SHISA5: variants seen among roughly 807,000 people sequenced by gnomAD.
SHISA5 encodes shisa family member 5.
A neutral mutation model predicts 27.5 loss-of-function variants in SHISA5; 21 were observed. That is an observed-to-expected ratio of 0.76 (90% confidence interval 0.54 to 1.10). The LOEUF (loss-of-function observed/expected upper bound fraction) is 1.10, where lower values mean the gene tolerates loss of function less well. Among genes scored for constraint, SHISA5 ranks in the 50% least tolerant of loss-of-function variants. The probability of loss-of-function intolerance (pLI) is 0.00; values close to 1 mark genes in which losing one functional copy is unlikely to be tolerated. For synonymous variants in SHISA5, 137 were observed against 142.2 expected, an observed-to-expected ratio of 0.96 and a Z score of 0.26; for missense variants, 314 against 336.3, an observed-to-expected ratio of 0.93 and a Z score of 0.52.
intron 2 of SHISA5, among the ~76,000 whole-genome samples, chr3:48,484,851 C>T (rs775282451): frequency 6.6e-6 from 1 of 151,826 alleles, no homozygotes; most frequent in Non-Finnish European, 1.5e-5. Flanking sequence ...CGAGATGGCG[C>T]CACTGCACTC....
At chr3:48,489,524 A>T (rs565415064) in intron 2 of SHISA5, among the ~76,000 whole-genome samples, 1 of 150,132 alleles carries the variant, frequency 6.7e-6, no homozygotes, top group South Asian at 2.1e-4. Context: ...GGGTTTCACC[A>T]TGTTAGCCAG....
In SHISA5 at chr3:48,469,656, G is replaced by A; in HGVS notation, c.430+72C>T. On this transcript the variant is annotated intron_variant, in intron 4 of 5. Coordinates refer to ENST00000296444, the MANE Select transcript of SHISA5 (RefSeq NM_016479.6). This position sits in a 1 kb window ranked among gnomAD's most constrained non-coding sequence, Gnocchi z 4.6. ...GCTTGCCACCCATCCCTCCAGCTTA[G>A]CCAAAGCAGGGCCTGGTCAGCTTCC... 1 of 1,601,234 alleles carries A rather than the reference G, an allele frequency of 6.2e-7. No homozygotes were observed. Among genetic ancestry groups the A allele is most frequent in the Non-Finnish European group, 8.5e-7 (1 of 1,173,434 alleles).
At chr3:48,493,248 G>A (rs2041478841) in intron 2 of SHISA5, among the ~76,000 whole-genome samples, 1 of 146,604 alleles carries the variant, frequency 6.8e-6, no homozygotes, top group African/African-American at 2.7e-5. Flanking sequence ...GGGCAACATA[G>A]TAAGACCCCT....
Position 48,473,640 on chromosome 3 carries a change from C to A in SHISA5, c.315-3797G>T. The stretch of plus-strand genomic sequence containing the variant: ...GGCCACCATGCAAGGTCCATCATGT[C>A]ACCACCTGCTCAAACGCCAGCTATG... On this transcript the variant is annotated intron_variant, in intron 3 of 5. Coordinates refer to ENST00000296444, the MANE Select transcript of SHISA5 (RefSeq NM_016479.6). The surrounding 1 kb of genome is among the most constrained non-coding windows in gnomAD (Gnocchi z 4.3). 5.9e-6 allele frequency: 7 copies of A among 1,177,302 alleles called. No individual in the cohort carries two copies. Among genetic ancestry groups the A allele is most frequent in the Non-Finnish European group, 7.5e-6 (7 of 932,440 alleles). The allele number at this position is 1,177,302 out of a possible 1,614,324, so 72.9% of individuals were successfully genotyped here. A position where few individuals can be genotyped will look rare whatever the true frequency, so the allele number is the denominator to read the frequency against.
At chr3:48,478,743 C>T (rs1163110959) in intron 3 of SHISA5, among the ~76,000 whole-genome samples, 1 of 152,162 alleles carries the variant, frequency 6.6e-6, no homozygotes, top group African/African-American at 2.4e-5. Flanking sequence ...CACCCCAATA[C>T]CATGTGCTTG....
intron 2 of SHISA5, among the ~76,000 whole-genome samples, chr3:48,487,853 GC>G (rs1207694712): frequency 6.6e-6 from 1 of 152,186 alleles, no homozygotes; most frequent in Non-Finnish European, 1.5e-5. Context: ...CCAAGATCAT[GC>G]CACTGCACTC....
intron 2 of SHISA5, among the ~76,000 whole-genome samples, chr3:48,487,063 T>C (rs996597216): frequency 3.3e-5 from 5 of 151,650 alleles, no homozygotes; most frequent in African/African-American, 7.3e-5. Flanking sequence ...CTGGGCAACA[T>C]AGGGAGATCC....
chr3:48,481,930 G>A (rs558801568), intron 2 of SHISA5, among the ~76,000 whole-genome samples: 15 of 151,504 alleles, frequency 9.9e-5, no homozygotes, highest in African/African-American at 2.2e-4. Context: ...TTAGCCAGGC[G>A]TGGTGGCGGG....
chr3:48,502,567 C>G (rs976529314), intron 1 of SHISA5: 17 of 349,388 alleles, frequency 4.9e-5, no homozygotes, highest in African/African-American at 3.6e-4. Context: ...TGGAAAATAA[C>G]CCAGGTTTTT....
chr3:48,501,851 C>T (rs1230503694), intron 1 of SHISA5, among the ~76,000 whole-genome samples: 1 of 148,728 alleles, frequency 6.7e-6, no homozygotes, highest in Non-Finnish European at 1.5e-5. Context: ...CTGGACTGTC[C>T]CTTTCTTTCT....
chr3:48,475,602 G>C (rs2040798220), intron 3 of SHISA5, among the ~76,000 whole-genome samples: 1 of 152,186 alleles, frequency 6.6e-6, no homozygotes. Flanking sequence ...TAGCACCGGG[G>C]CTGTGGCCAC....
chr3:48,487,382 C>G (rs1025326067), intron 2 of SHISA5, among the ~76,000 whole-genome samples: 1 of 151,834 alleles, frequency 6.6e-6, no homozygotes, highest in Non-Finnish European at 1.5e-5. Context: ...ACAGTTTATA[C>G]GTTTTAATGT....
intron 2 of SHISA5, 62 bp from the exon 3 acceptor site, chr3:48,479,319 T>G (rs1184198908): frequency 2.7e-6 from 4 of 1,479,790 alleles, no homozygotes; most frequent in Admixed American, 1.9e-5. Context: ...GCACAAACAC[T>G]ACCTTAGGGC....
At chr3:48,477,426 G>A (rs972814153) in intron 3 of SHISA5, among the ~76,000 whole-genome samples, 16 of 151,910 alleles carry the variant, frequency 1.1e-4, no homozygotes, top group Admixed American at 7.9e-4. Flanking sequence ...CAAAAAACAC[G>A]GGGTCGCCCA....
intron 3 of SHISA5, among the ~76,000 whole-genome samples, chr3:48,478,018 C>T (rs907272162): frequency 3.3e-5 from 5 of 152,370 alleles, no homozygotes; most frequent in Middle Eastern, 3.4e-3. Flanking sequence ...CGGTCCCCAG[C>T]GCTCCCAGAA....
intron 2 of SHISA5, among the ~76,000 whole-genome samples, chr3:48,495,531 G>A (rs953476938): frequency 0.013 from 1,912 of 145,286 alleles, 274 homozygotes; most frequent in South Asian, 0.042. Context: ...CACTTTTTTC[G>A]GGGGCAGGGA....
Position 48,473,622 on chromosome 3 carries a change from A to G in SHISA5, c.315-3779T>C, listed in dbSNP as rs895025493. The stretch of plus-strand genomic sequence containing the variant: ...TCCCGGCCACCCTACTGGGGCCACC[A>G]TGCAAGGTCCATCATGTCACCACCT... On this transcript the variant is annotated intron_variant, in intron 3 of 5. Coordinates refer to ENST00000296444, the MANE Select transcript of SHISA5 (RefSeq NM_016479.6). This position sits in a 1 kb window ranked among gnomAD's most constrained non-coding sequence, Gnocchi z 4.3. 5.8e-6 allele frequency: 7 copies of G among 1,198,914 alleles called. No individual in the cohort carries two copies. Among genetic ancestry groups the G allele is most frequent in the African/African-American group, 3.2e-5 (2 of 63,100 alleles). 74.3% of individuals were successfully genotyped at this position (1,198,914 alleles called of 1,614,324 possible).
intron 1 of SHISA5, chr3:48,502,621 C>A: frequency 2.9e-6 from 1 of 339,522 alleles, no homozygotes. Flanking sequence ...ATGCTACAGT[C>A]AAATGTTCCC....
chr3:48,469,348 C>A lies in SHISA5; in HGVS notation c.643+13G>T, dbSNP rs1161900591. ...GGAAGTCGGGCAGGGCTAGAGTTGG[C>A]AGGGGCACTCACCAGCCAGGGTCTC... On this transcript the variant is annotated intron_variant, in intron 5 of 5. Coordinates refer to ENST00000296444, the MANE Select transcript of SHISA5 (RefSeq NM_016479.6). The surrounding 1 kb of genome is among the most constrained non-coding windows in gnomAD (Gnocchi z 4.6). The A allele has an allele frequency of 6.3e-7, 1 of 1,576,424 alleles. No individual in the cohort carries two copies. Among genetic ancestry groups the A allele is most frequent in the Admixed American group, 1.8e-5 (1 of 57,102 alleles).
Sources: gnomAD v4.1 joint callset for allele counts (sites outside exome capture counted in the v4.1 genomes callset) on GRCh38, gnomAD v4.1.1 for gene constraint, Gnocchi (gnomAD v3.1) non-coding constraint, MANE v1.5 for transcripts, NCBI Gene and HGNC (gene_info 2026-07-23, HGNC 2026-07-21) for gene names.